CADM2: variants seen among roughly 807,000 people sequenced by gnomAD.
The protein encoded by CADM2 is immunoglobulin superfamily member 4D.
A neutral mutation model predicts 49.8 loss-of-function variants in CADM2; 12 were observed. The ratio of observed to expected loss-of-function variants is 0.24; its 90% CI spans 0.15 to 0.39. CADM2 has a LOEUF of 0.39. CADM2 is among the 10% of genes least tolerant of loss of function. The pLI, the probability that CADM2 is intolerant of heterozygous loss-of-function variation, is 1.00. For missense variants in CADM2, 378 were observed against 492.3 expected (o/e 0.77, Z 2.20); for synonymous variants, 214 against 175.4 (o/e 1.22, Z -1.74).
intron 1 of CADM2, among the ~76,000 whole-genome samples, chr3:84,965,864 G>C (rs1459376594): frequency 6.6e-6 from 1 of 152,078 alleles, no homozygotes; most frequent in Non-Finnish European, 1.5e-5. Context: ...AGTATAATTT[G>C]TGTTATGTCA....
At chr3:85,884,937 T>G (rs1203359010) in intron 4 of CADM2, among the ~76,000 whole-genome samples, 1 of 150,340 alleles carries the variant, frequency 6.7e-6, no homozygotes, top group Non-Finnish European at 1.5e-5. Context: ...GGTTTCACCA[T>G]GTTGGCCAAG....
At chr3:85,644,525 G>A (rs146556500) in intron 1 of CADM2, among the ~76,000 whole-genome samples, 453 of 152,144 alleles carry the variant, frequency 3.0e-3, no homozygotes, top group Admixed American at 3.9e-3. Flanking sequence ...CTTTCTGCCC[G>A]GTTACTTTCA....
chr3:85,490,835 T>G (rs772902863), intron 1 of CADM2, among the ~76,000 whole-genome samples: 127 of 152,000 alleles, frequency 8.4e-4, no homozygotes, highest in Admixed American at 1.4e-3. Flanking sequence ...ATATAAACTC[T>G]TTGTTCTGAG....
At chr3:85,607,791 A>G (rs1290197387) in intron 1 of CADM2, among the ~76,000 whole-genome samples, 1 of 151,552 alleles carries the variant, frequency 6.6e-6, no homozygotes, top group Non-Finnish European at 1.5e-5. Context: ...CGATTAGCTG[A>G]GATTACAGGC....
chr3:85,602,464 A>T (rs975390698), intron 1 of CADM2, among the ~76,000 whole-genome samples: 1 of 151,860 alleles, frequency 6.6e-6, no homozygotes, highest in African/African-American at 2.4e-5. Context: ...CTTAATCTCT[A>T]CATTCCATAT....
intron 1 of CADM2, among the ~76,000 whole-genome samples, chr3:84,968,730 AAAG>A (rs1365970712): frequency 3.9e-5 from 6 of 152,032 alleles, no homozygotes; most frequent in Non-Finnish European, 8.8e-5. Flanking sequence ...TCCCAAACAA[AAAG>A]AAGAATCAGA....
intron 3 of CADM2, among the ~76,000 whole-genome samples, chr3:85,840,804 A>G (rs1335884449): frequency 6.6e-6 from 1 of 151,866 alleles, no homozygotes. Flanking sequence ...TTTGAAAATA[A>G]TTATATAAAT....
intron 1 of CADM2, among the ~76,000 whole-genome samples, chr3:85,011,030 A>AT (rs1238386242): frequency 6.6e-6 from 1 of 150,692 alleles, no homozygotes; most frequent in Admixed American, 6.6e-5. Context: ...CGCCTGGCTA[A>AT]TTTTTTTGTA....
chr3:85,372,954 G>A (rs2033358589), intron 1 of CADM2, among the ~76,000 whole-genome samples: 2 of 151,948 alleles, frequency 1.3e-5, no homozygotes, highest in Admixed American at 1.3e-4. Context: ...GGACACATGG[G>A]GATTATGGGA....
chr3:85,312,310 G>GTAT (rs1275412705), intron 1 of CADM2, among the ~76,000 whole-genome samples: 2 of 152,142 alleles, frequency 1.3e-5, no homozygotes, highest in South Asian at 4.1e-4. Flanking sequence ...ATGATTTTTA[G>GTAT]TATTAAAATT....
At chr3:85,254,054 A>G (rs1420662311) in intron 1 of CADM2, among the ~76,000 whole-genome samples, 8 of 152,084 alleles carry the variant, frequency 5.3e-5, no homozygotes, top group Admixed American at 3.9e-4. Context: ...TGCAAGTTCC[A>G]GGTTGTGAAC....
intron 1 of CADM2, among the ~76,000 whole-genome samples, chr3:85,696,266 T>G (rs2066551652): frequency 6.6e-6 from 1 of 152,266 alleles, no homozygotes; most frequent in Non-Finnish European, 1.5e-5. Flanking sequence ...ACTTTTTAGT[T>G]TAATTAAGTC....
At chr3:85,162,276 A>G (rs926012177) in intron 1 of CADM2, among the ~76,000 whole-genome samples, 1 of 152,194 alleles carries the variant, frequency 6.6e-6, no homozygotes, top group Non-Finnish European at 1.5e-5. Context: ...ATGCTACCAC[A>G]GAAAAAATAT....
chr3:86,035,181 T>A (rs951564567), intron 8 of CADM2, among the ~76,000 whole-genome samples: 6 of 152,068 alleles, frequency 3.9e-5, no homozygotes, highest in African/African-American at 1.4e-4. Flanking sequence ...CACTTTGTGT[T>A]GTTTTCTGAG....
intron 5 of CADM2, among the ~76,000 whole-genome samples, chr3:85,908,437 G>C (rs1216742549): frequency 6.6e-6 from 1 of 151,124 alleles, no homozygotes; most frequent in Non-Finnish European, 1.5e-5. Context: ...ATTTTATAAA[G>C]ATAAATAATA....
chr3:85,583,060 G>A (rs1030834221), intron 1 of CADM2, among the ~76,000 whole-genome samples: 1 of 152,100 alleles, frequency 6.6e-6, no homozygotes, highest in South Asian at 2.1e-4. Context: ...AATATATGTT[G>A]GTGGGGATTT....
At chr3:85,392,594 A>C (rs1406788922) in intron 1 of CADM2, among the ~76,000 whole-genome samples, 1 of 152,058 alleles carries the variant, frequency 6.6e-6, no homozygotes, top group East Asian at 1.9e-4. Context: ...CCTTCTATTT[A>C]TTATTAGATT....
At chr3:85,881,176 A>T (rs1215020802) in intron 3 of CADM2, among the ~76,000 whole-genome samples, 2 of 151,958 alleles carry the variant, frequency 1.3e-5, no homozygotes, top group Non-Finnish European at 2.9e-5. Flanking sequence ...TGTCATTTTC[A>T]TTGTACTATA....
At chr3:86,029,770 C>A (rs988286237) in intron 8 of CADM2, among the ~76,000 whole-genome samples, 1 of 151,902 alleles carries the variant, frequency 6.6e-6, no homozygotes, top group Non-Finnish European at 1.5e-5. Context: ...AGGGAAATGC[C>A]CAGCCTTCTC....
Sources: gnomAD v4.1 joint callset for allele counts (sites outside exome capture counted in the v4.1 genomes callset) on GRCh38, gnomAD v4.1.1 for gene constraint, MANE v1.5 for transcripts, NCBI Gene and HGNC (gene_info 2026-07-23, HGNC 2026-07-21) for gene names.